The following UBAP2 variants were observed in gnomAD, a reference collection of about 807,000 sequenced individuals.
UBAP2 encodes ubiquitin-associated protein 2.
A neutral mutation model predicts 139.6 loss-of-function variants in UBAP2; 75 were observed. That is an observed-to-expected ratio of 0.54 (90% CI 0.45 to 0.65). The LOEUF (loss-of-function observed/expected upper bound fraction) is 0.65, where lower values mean the gene tolerates loss of function less well. UBAP2 is among the 30% of genes least tolerant of loss of function. The pLI is 0.00. For synonymous variants in UBAP2, 526 were observed against 526.2 expected, an observed-to-expected ratio of 1.00 and a Z score of 0.01; for missense variants, 1,368 against 1,369.6, an observed-to-expected ratio of 1.00 and a Z score of 0.02.
intron 11 of UBAP2, among the ~76,000 whole-genome samples, chr9:33,954,821 C>T (rs931098780): frequency 6.6e-6 from 1 of 152,200 alleles, no homozygotes; most frequent in Non-Finnish European, 1.5e-5. Context: ...TATTTCCCTA[C>T]AATGAAATCT....
In UBAP2 at chr9:33,943,523, C is replaced by A. The variant is rs1825410237; in HGVS notation, c.1612G>T (p.Ala538Ser). The A allele has an allele frequency of 6.8e-6, 11 of 1,614,154 alleles. No individual in the cohort carries two copies. Among genetic ancestry groups the A allele is most frequent in the Non-Finnish European group, 9.3e-6 (11 of 1,180,030 alleles). ...DVTGLNVQFG[A>S]LEFGSEPSLS... is the part of the protein sequence containing the mutation. Reference sequence around the variant, plus strand: ...GAAGGTTCTGACCCAAATTCCAGAGCCCCAAACTGCACATTTAATCCTGTG... The same window carrying A: ...GAAGGTTCTGACCCAAATTCCAGAGACCCAAACTGCACATTTAATCCTGTG... Residue 538 changes from alanine (A) to serine (S), a missense_variant, in exon 15 of 29, where the codon GCT becomes TCT. Transcript: ENST00000379238.
chr9:33,922,734 G>T lies in UBAP2; in HGVS notation c.3217C>A (p.Gln1073Lys). 1 of 1,552,484 alleles carries T rather than the reference G, an allele frequency of 6.4e-7. No individual in the cohort carries two copies. The change falls in exon 28 of 29, where the codon CAG becomes AAG. Residue 1073 changes from glutamine (Q) to lysine (K), a missense_variant. Gln to Lys is a moderately conservative substitution (Grantham distance 53, BLOSUM62 1). Coordinates refer to ENST00000379238, the MANE Select transcript of UBAP2 (RefSeq NM_001370062.2). Reference sequence around the variant, plus strand: ...TGGTGCAGCAGCTGTGAGTGGGGCTGCTGGTGGGCTGGCAAGATGTGTAGG... The same window carrying T: ...TGGTGCAGCAGCTGTGAGTGGGGCTTCTGGTGGGCTGGCAAGATGTGTAGG... ...PFLHILPAHQ[Q>K]PHSQLLHHHL...
intron 19 of UBAP2, among the ~76,000 whole-genome samples, chr9:33,931,215 G>A (rs1417888794): frequency 1.3e-5 from 2 of 152,150 alleles, no homozygotes; most frequent in African/African-American, 4.8e-5. Context: ...CCTATAGGTG[G>A]GTTCCACAGG....
intron 1 of UBAP2, among the ~76,000 whole-genome samples, chr9:34,018,687 C>A (rs1824619552): frequency 6.6e-6 from 1 of 152,066 alleles, no homozygotes; most frequent in African/African-American, 2.4e-5. Context: ...CACGGTGAAA[C>A]CCCGTCTCTA....
At chr9:33,985,351 G>T (rs1021601974) in intron 6 of UBAP2, among the ~76,000 whole-genome samples, 1 of 152,132 alleles carries the variant, frequency 6.6e-6, no homozygotes, top group Non-Finnish European at 1.5e-5. Context: ...AACTTTTCAA[G>T]TCCTCACTTC....
At position 33,948,426 on chromosome 9, in the gene UBAP2, A is replaced by C; in HGVS notation, c.1218T>G (p.Thr406=). 6.2e-7 allele frequency: 1 copy of C among 1,613,922 alleles called. No homozygotes were observed. The highest frequency in any genetic ancestry group is 1.1e-5 in the South Asian group (1 of 91,064). ...ATGTTGGGGGCTTGAGGTCCCAAGA[A>C]GTAGTAGTTGTAGGGTGACTTGTAC... is the stretch of plus-strand genomic sequence containing the variant. ...QNSTSHPTTT[T]SWDLKPPTSQ... Residue 406 remains threonine (T), a synonymous_variant, in exon 13 of 29, where the codon ACT becomes ACG. Coordinates refer to ENST00000379238, the MANE Select transcript of UBAP2 (RefSeq NM_001370062.2).
At chr9:34,032,882 C>CT (rs1213516745) in intron 1 of UBAP2, among the ~76,000 whole-genome samples, 2 of 148,528 alleles carry the variant, frequency 1.3e-5, no homozygotes, top group African/African-American at 5.0e-5. Flanking sequence ...CGCCACTGTA[C>CT]TCTGGCCTGG....
chr9:34,039,454 T>C (rs904765589), intron 1 of UBAP2, among the ~76,000 whole-genome samples: 31 of 152,292 alleles, frequency 2.0e-4, no homozygotes, highest in Middle Eastern at 6.8e-3. Flanking sequence ...AGATTGTTGC[T>C]GTGTTTGTGT....
At chr9:33,938,084 G>A (rs72727342) in intron 16 of UBAP2, among the ~76,000 whole-genome samples, 11,958 of 149,452 alleles carry the variant, frequency 0.08, 668 homozygotes, top group Non-Finnish European at 0.12. Context: ...TGCAACCTCC[G>A]CTTCCTGGTT....
chr9:33,951,890 A>C (rs1295616781), intron 12 of UBAP2, among the ~76,000 whole-genome samples: 1 of 152,140 alleles, frequency 6.6e-6, no homozygotes, highest in Admixed American at 6.6e-5. Context: ...GAGGAGGAAA[A>C]GACTCTGGTG....
chr9:34,024,204 T>C (rs776995348), intron 1 of UBAP2, among the ~76,000 whole-genome samples: 1 of 151,896 alleles, frequency 6.6e-6, no homozygotes, highest in Non-Finnish European at 1.5e-5. Flanking sequence ...TAGCCGGGCG[T>C]GGGGGCACAT....
chr9:33,982,442 G>A (rs1337800153), intron 6 of UBAP2, among the ~76,000 whole-genome samples: 1 of 152,160 alleles, frequency 6.6e-6, no homozygotes, highest in Non-Finnish European at 1.5e-5. Context: ...AAATAGGTAG[G>A]TAGTTTGCCT....
At chr9:33,974,023 T>C (rs552431073) in intron 6 of UBAP2, among the ~76,000 whole-genome samples, 7 of 152,066 alleles carry the variant, frequency 4.6e-5, no homozygotes, top group Admixed American at 1.3e-4. Flanking sequence ...CTGGGCAACA[T>C]AGGGAGACTC....
intron 1 of UBAP2, among the ~76,000 whole-genome samples, chr9:34,024,124 C>T (rs1004350798): frequency 2.6e-5 from 4 of 151,902 alleles, no homozygotes; most frequent in Admixed American, 1.3e-4. Flanking sequence ...TTTGGGAGGC[C>T]GAGCCGGCTG....
At chr9:33,953,883 T>C (rs1486623669) in intron 11 of UBAP2, among the ~76,000 whole-genome samples, 1 of 152,090 alleles carries the variant, frequency 6.6e-6, no homozygotes, top group Non-Finnish European at 1.5e-5. Context: ...AGACCTCACC[T>C]GCAGTAAGCA....
rs1230913788 is a variant in UBAP2 at position 33,923,448 on chromosome 9, C to T, written c.2827G>A (p.Val943Met). 1 of 1,614,088 alleles carries T rather than the reference C, an allele frequency of 6.2e-7. No individual in the cohort carries two copies. Among genetic ancestry groups the T allele is most frequent in the Non-Finnish European group, 8.5e-7 (1 of 1,180,002 alleles). ...VPPASAKQHG[V>M]NLSTPTPPFQ... ...GGAGGTGTGGGAGTGCTGAGGTTCACCCCATGTTGCTTGGCTGAGGCTGGA... is the reference window on the plus strand; with the variant it reads ...GGAGGTGTGGGAGTGCTGAGGTTCATCCCATGTTGCTTGGCTGAGGCTGGA... Residue 943 changes from valine (V) to methionine (M), a missense_variant, in exon 25 of 29, where the codon GTG becomes ATG. By Grantham distance (21) the Val-to-Met change is conservative (BLOSUM62 1). Transcript: ENST00000379238.
intron 15 of UBAP2, 53 bp downstream of exon 15, chr9:33,943,367 T>A (rs1413868841): frequency 1.9e-6 from 3 of 1,557,602 alleles, no homozygotes; most frequent in Admixed American, 3.6e-5. Flanking sequence ...TTTCCACCAG[T>A]TGATCTCTCT....
At chr9:33,947,882 G>A (rs1439257429) in intron 13 of UBAP2, among the ~76,000 whole-genome samples, 1 of 149,516 alleles carries the variant, frequency 6.7e-6, no homozygotes, top group Non-Finnish European at 1.5e-5. Context: ...ATACAGTGGT[G>A]CACATCTATA....
chr9:33,924,783 A>G (rs1823275905), intron 22 of UBAP2, among the ~76,000 whole-genome samples: 1 of 152,210 alleles, frequency 6.6e-6, no homozygotes, highest in Non-Finnish European at 1.5e-5. Context: ...GTCACCACCT[A>G]CACTGCTCTC....
Sources: gnomAD v4.1 joint callset for allele counts (sites outside exome capture counted in the v4.1 genomes callset) on GRCh38, gnomAD v4.1.1 for gene constraint, MANE v1.5 for transcripts, NCBI Gene and HGNC (gene_info 2026-07-23, HGNC 2026-07-21) for gene names.